Variants in WFDC6 observed in about 807,000 individuals in gnomAD.
WFDC6 encodes the protein WAP four-disulfide core domain 6.
Under a neutral mutation model 8.2 loss-of-function variants are expected in WFDC6, and 10 were observed. That is an observed-to-expected ratio of 1.22 (90% CI 0.75 to 2.07). WFDC6 has a LOEUF of 2.07. Ranked by LOEUF, WFDC6 falls within the 30% of genes most tolerant of loss-of-function variation. WFDC6 has a pLI of 0.00. For synonymous variants in WFDC6, 28 were observed against 37.0 expected (o/e 0.76, Z 0.88); for missense variants, 105 against 104.9 (o/e 1.00, Z 0.00).
At chr20:45,538,563 C>G (rs1020844947) in intron 1 of WFDC6, among the ~76,000 whole-genome samples, 1 of 152,214 alleles carries the variant, frequency 6.6e-6, no homozygotes, top group Non-Finnish European at 1.5e-5. Context: ...ACCAGCAACA[C>G]AGTTTGACAA....
At chr20:45,538,580 G>A (rs778594702) in intron 1 of WFDC6, among the ~76,000 whole-genome samples, 82 of 152,178 alleles carry the variant, frequency 5.4e-4, no homozygotes, top group Non-Finnish European at 9.4e-4. Context: ...ACAAGCCATC[G>A]TCAAACTGCC....
In WFDC6 at chr20:45,535,452, C is replaced by G. The variant is rs6094159; in HGVS notation, c.223-947G>C. On this transcript the variant is annotated intron_variant, in intron 2 of 2. Transcript: ENST00000372670. ...TGAGAAGCAAATTTGCCTCAGGGCT[C>G]TGTTCCCAATTCAGTGTGAACCCTG... 7 of 1,124,102 alleles carry G rather than the reference C, an allele frequency of 6.2e-6. No homozygotes were observed. The Admixed American group carries it at 2.3e-4, about 36-fold the overall frequency. The allele number at this position is 1,124,102 out of a possible 1,614,324, so 69.6% of individuals were successfully genotyped here. A position where few individuals can be genotyped will look rare whatever the true frequency, so the allele number is the denominator to read the frequency against.
chr20:45,534,605 C>G (rs1417804111), intron 2 of WFDC6, 100 bp from the exon 3 acceptor site: 30 of 1,400,872 alleles, frequency 2.1e-5, no homozygotes, highest in South Asian at 2.0e-4. Context: ...ATCATTTTTA[C>G]ATCTTTGGGC....
At chr20:45,538,341 G>T (rs1048604168) in intron 1 of WFDC6, among the ~76,000 whole-genome samples, 2 of 152,182 alleles carry the variant, frequency 1.3e-5, no homozygotes, top group Non-Finnish European at 2.9e-5. Context: ...AGATTCCTGA[G>T]AGAAAGACGC....
Position 45,537,872 on chromosome 20 carries a change from C to CA in WFDC6, c.222+91dup, listed in dbSNP as rs772342890. 6.7e-3 allele frequency: 10,619 copies of CA among 1,593,390 alleles called. 59 individuals carry two copies. The highest frequency in any genetic ancestry group is 7.2e-3 in the Non-Finnish European group (8,380 of 1,168,734). On this transcript the variant is annotated intron_variant, in intron 2 of 2. Coordinates refer to ENST00000372670, the MANE Select transcript of WFDC6 (RefSeq NM_080827.2). Reference sequence around the variant, plus strand: ...TGTACCTAAACTCTTGGTCAGAGACCAGCCATCAGTGAACTAGGAGACAGA... The same window carrying CA: ...TGTACCTAAACTCTTGGTCAGAGACCAAGCCATCAGTGAACTAGGAGACAGA...
chr20:45,535,463 TCAGTGTGAA>T, intron 2 of WFDC6: 1 of 1,019,634 alleles, frequency 9.8e-7, no homozygotes, highest in East Asian at 6.6e-5. Flanking sequence ...TGTTCCCAAT[TCAGTGTGAA>T]CCCTGACCAC....
intron 2 of WFDC6, among the ~76,000 whole-genome samples, chr20:45,536,455 C>T (rs954603784): frequency 2.0e-5 from 3 of 152,192 alleles, no homozygotes; most frequent in Non-Finnish European, 4.4e-5. Context: ...TAGTAGTTGA[C>T]ATCTATTAAC....
intron 2 of WFDC6, 43 bp from the exon 3 acceptor site, chr20:45,534,548 C>A: frequency 2.5e-6 from 4 of 1,608,564 alleles, no homozygotes; most frequent in Non-Finnish European, 3.4e-6. Flanking sequence ...TGGACCCTGA[C>A]CACATTAGGA....
At chr20:45,537,479 G>A in intron 2 of WFDC6, 1 of 1,478,650 alleles carries the variant, frequency 6.8e-7, no homozygotes, top group Non-Finnish European at 9.2e-7. Context: ...AATAATATGG[G>A]CAGAGAAGAA....
chr20:45,537,517 G>A (rs754153723), intron 2 of WFDC6: 1 of 1,549,432 alleles, frequency 6.5e-7, no homozygotes. Flanking sequence ...AGGTGGTCAG[G>A]GAAGGCATCC....
Position 45,539,319 on chromosome 20 carries a change from C to T in WFDC6, c.89G>A (p.Gly30Asp). The change falls in exon 1 of 3, where the codon GGC becomes GAC. Residue 30 changes from glycine (G) to aspartate (D), a missense_variant and splice_region_variant. By Grantham distance (94) the Gly-to-Asp change is moderately conservative. Transcript: ENST00000372670. ...QEPGHAEGIL[G>D]KPCPKIKVEC... The stretch of plus-strand genomic sequence containing the variant: ...AGGACGGAGTTCCCAATACTTACTG[C>T]CAAGGATGCCTTCAGCGTGCCCAGG... The T allele has an allele frequency of 2.5e-6, 4 of 1,613,786 alleles. No homozygotes were observed. The highest frequency in any genetic ancestry group is 2.5e-6 in the Non-Finnish European group (3 of 1,179,784).
At chr20:45,539,238 G>C in intron 1 of WFDC6, 79 bp downstream of exon 1, 1 of 1,411,030 alleles carries the variant, frequency 7.1e-7, no homozygotes, top group Non-Finnish European at 1.0e-6. Flanking sequence ...TAATTTCTCA[G>C]CTGCAAAATT....
At chr20:45,537,530 G>A (rs868400547) in intron 2 of WFDC6, 9 of 1,549,586 alleles carry the variant, frequency 5.8e-6, no homozygotes, top group Non-Finnish European at 7.8e-6. Flanking sequence ...AGGCATCCTG[G>A]ATTTATGTAG....
chr20:45,538,167 C>A, intron 1 of WFDC6, 73 bp from the exon 2 acceptor site: 1 of 1,607,742 alleles, frequency 6.2e-7, no homozygotes, highest in Non-Finnish European at 8.5e-7. Context: ...GACCAGGGCA[C>A]CCCTCCAGAG....
Position 45,538,095 on chromosome 20 carries a change from C to G in WFDC6, c.92-1G>C. On this transcript the variant is annotated splice_acceptor_variant, in intron 1 of 2. Coordinates refer to ENST00000372670, the MANE Select transcript of WFDC6 (RefSeq NM_080827.2). LOFTEE classifies it high-confidence loss of function. ...TCCACTTTGATTTTGGGACACGGCT[C>G]TAAGGGAGGGGAAGATATATTCCCT... 6.2e-7 allele frequency: 1 copy of G among 1,613,960 alleles called. No individual in the cohort carries two copies. Among genetic ancestry groups the G allele is most frequent in the South Asian group, 1.1e-5 (1 of 91,056 alleles).
At chr20:45,537,385 CATCATGGGTGTCA>C in intron 2 of WFDC6, 1 of 832,122 alleles carries the variant, frequency 1.2e-6, no homozygotes, top group Non-Finnish European at 2.0e-6. Context: ...AAGTGGAACC[CATCATGGGTGTCA>C]GGGGCACCAA....
chr20:45,535,202 A>T (rs1346591976), intron 2 of WFDC6: 1 of 1,304,180 alleles, frequency 7.7e-7, no homozygotes, highest in Admixed American at 2.3e-5. Flanking sequence ...TTCAGTTTGG[A>T]AGTTGTTATT....
intron 2 of WFDC6, chr20:45,537,111 A>G (rs1396091400): frequency 5.9e-6 from 1 of 170,094 alleles, no homozygotes; most frequent in Non-Finnish European, 1.3e-5. Flanking sequence ...CCAAAACTTG[A>G]GGATGGCCAC....
intron 2 of WFDC6, chr20:45,537,027 A>G (rs1979391473): frequency 6.3e-6 from 1 of 159,530 alleles, no homozygotes; most frequent in Non-Finnish European, 1.4e-5. Context: ...AAACCTAGTT[A>G]TTGTCTTGAA....
Sources: gnomAD v4.1 joint callset for allele counts (sites outside exome capture counted in the v4.1 genomes callset) on GRCh38, gnomAD v4.1.1 for gene constraint, MANE v1.5 for transcripts, NCBI Gene and HGNC (gene_info 2026-07-23, HGNC 2026-07-21) for gene names.